MYO9A: variants seen among roughly 807,000 people sequenced by gnomAD.
The protein encoded by MYO9A is myosin IXA, also known as unconventional myosin-IXa.
A neutral mutation model predicts 293.3 loss-of-function variants in MYO9A; 103 were observed. That is an observed-to-expected ratio of 0.35 (90% CI 0.30 to 0.41). The LOEUF is 0.41. Among genes scored for constraint, MYO9A ranks in the 10% least tolerant of loss-of-function variants. The probability of loss-of-function intolerance (pLI) is 1.00; values close to 1 mark genes in which losing one functional copy is unlikely to be tolerated. For synonymous variants in MYO9A, 1,001 were observed against 1,035.7 expected, an observed-to-expected ratio of 0.97 and a Z score of 0.64; for missense variants, 2,685 against 3,033.0, an observed-to-expected ratio of 0.89 and a Z score of 2.69.
rs942678137 is a variant in MYO9A at position 72,117,668 on chromosome 15, G to A, written c.-72+12C>T. On this transcript the variant is annotated intron_variant, in intron 1 of 41. Coordinates refer to ENST00000356056, the MANE Select transcript of MYO9A (RefSeq NM_006901.4). ...GGGCTGCAGGGCCGCTGGGCGCTTG[G>A]GCGGGTCTTACCTCGGGCTCCGCCG... The A allele has an allele frequency of 3.5e-5, 14 of 396,440 alleles. No homozygotes were observed. The South Asian group carries it at 1.1e-3, about 32-fold the overall frequency. The allele number at this position is 396,440 out of a possible 1,614,324, so 24.6% of individuals were successfully genotyped here.
chr15:72,098,236 C>T (rs1489320357), intron 1 of MYO9A, among the ~76,000 whole-genome samples: 1 of 151,598 alleles, frequency 6.6e-6, no homozygotes, highest in Non-Finnish European at 1.5e-5. Context: ...GGTATGCTCT[C>T]TCTCTCAGGA....
chr15:72,110,435 C>CAAAAAAAAAAAA (rs397854173), intron 1 of MYO9A, among the ~76,000 whole-genome samples: 2 of 45,104 alleles, frequency 4.4e-5, no homozygotes, highest in Non-Finnish European at 9.5e-5. Flanking sequence ...GACTCCATCT[C>CAAAAAAAAAAAA]AAAAAAAAAA....
chr15:72,019,772 C>T (rs929368800), intron 5 of MYO9A, among the ~76,000 whole-genome samples: 2 of 151,984 alleles, frequency 1.3e-5, no homozygotes, highest in East Asian at 1.9e-4. Flanking sequence ...TTTTTTGAGA[C>T]GGAGTCTCGC....
chr15:71,874,601 T>C (rs1567219133), intron 32 of MYO9A, among the ~76,000 whole-genome samples: 3 of 152,226 alleles, frequency 2.0e-5, no homozygotes, highest in African/African-American at 7.2e-5. Flanking sequence ...AAAGTAACTA[T>C]GGCTATTACA....
chr15:71,840,917 C>T (rs574407232), intron 39 of MYO9A, among the ~76,000 whole-genome samples: 7 of 152,338 alleles, frequency 4.6e-5, no homozygotes, highest in East Asian at 1.9e-4. Context: ...AGGCGTGAGC[C>T]GCCGTGCCCA....
At chr15:71,851,681 T>A (rs976158283) in intron 36 of MYO9A, among the ~76,000 whole-genome samples, 59 of 152,166 alleles carry the variant, frequency 3.9e-4, no homozygotes, top group African/African-American at 1.1e-3. Context: ...CCTCAGGGCC[T>A]AAATACCTCT....
At chr15:72,101,310 G>A (rs1217291734) in intron 1 of MYO9A, among the ~76,000 whole-genome samples, 1 of 138,694 alleles carries the variant, frequency 7.2e-6, no homozygotes, top group Admixed American at 7.1e-5. Context: ...CCCCCCGCCA[G>A]GCCAGCCGCC....
chr15:72,107,617 G>C (rs1337952416), intron 1 of MYO9A, among the ~76,000 whole-genome samples: 1 of 151,702 alleles, frequency 6.6e-6, no homozygotes, highest in African/African-American at 2.4e-5. Flanking sequence ...ACTGTAAGAA[G>C]ACAAAGCTTC....
chr15:72,023,129 G>T (rs2077553595), intron 4 of MYO9A, among the ~76,000 whole-genome samples: 1 of 152,090 alleles, frequency 6.6e-6, no homozygotes, highest in African/African-American at 2.4e-5. Flanking sequence ...AAAGAATTCT[G>T]GAGTTGAAAA....
intron 32 of MYO9A, among the ~76,000 whole-genome samples, chr15:71,866,821 C>T (rs962367226): frequency 6.6e-6 from 1 of 151,986 alleles, no homozygotes; most frequent in Non-Finnish European, 1.5e-5. Flanking sequence ...AACTTTGGGA[C>T]GCCGAGGCGG....
intron 11 of MYO9A, among the ~76,000 whole-genome samples, chr15:71,990,482 G>A (rs1006025888): frequency 4.6e-5 from 7 of 152,092 alleles, no homozygotes; most frequent in African/African-American, 1.4e-4. Context: ...TAGGCTGGGC[G>A]CAGTGGCTCA....
intron 1 of MYO9A, among the ~76,000 whole-genome samples, chr15:72,075,936 G>A (rs1262725519): frequency 6.6e-6 from 1 of 152,164 alleles, no homozygotes; most frequent in South Asian, 2.1e-4. Flanking sequence ...GTTCAACACT[G>A]TACCAGTGGT....
chr15:71,960,818 C>T (rs1363431948), intron 13 of MYO9A, among the ~76,000 whole-genome samples: 2 of 152,046 alleles, frequency 1.3e-5, no homozygotes, highest in Non-Finnish European at 2.9e-5. Flanking sequence ...AGCTGAATAA[C>T]AAAAAGAAGC....
At chr15:71,994,937 G>A (rs921387657) in intron 9 of MYO9A, among the ~76,000 whole-genome samples, 2 of 152,140 alleles carry the variant, frequency 1.3e-5, no homozygotes, top group Admixed American at 1.3e-4. Context: ...TCTCCATGTT[G>A]GTCAGGCTGG....
chr15:72,100,869 T>TG (rs1258402939), intron 1 of MYO9A, among the ~76,000 whole-genome samples: 121 of 105,526 alleles, frequency 1.1e-3, no homozygotes, highest in Middle Eastern at 6.2e-3. Flanking sequence ...GGGAGGGAGG[T>TG]GGGGGGGGTC....
chr15:71,835,282 C>T (rs1311132918), intron 39 of MYO9A, among the ~76,000 whole-genome samples: 1 of 152,054 alleles, frequency 6.6e-6, no homozygotes, highest in East Asian at 1.9e-4. Flanking sequence ...CAACACTATA[C>T]TGGAGGTTCT....
At chr15:72,088,809 T>TA (rs2079820640) in intron 1 of MYO9A, among the ~76,000 whole-genome samples, 1 of 152,162 alleles carries the variant, frequency 6.6e-6, no homozygotes, top group African/African-American at 2.4e-5. Flanking sequence ...CTCCAGAACT[T>TA]AAAAAAACTG....
chr15:71,973,273 C>T (rs1421279919), intron 12 of MYO9A, among the ~76,000 whole-genome samples: 3 of 152,162 alleles, frequency 2.0e-5, no homozygotes, highest in Non-Finnish European at 4.4e-5. Flanking sequence ...ATTCATGCCT[C>T]CAGAACTTCT....
At chr15:71,991,274 T>C in intron 10 of MYO9A, 37 bp from the exon 11 acceptor site, 2 of 1,470,316 alleles carry the variant, frequency 1.4e-6, no homozygotes, top group Non-Finnish European at 1.9e-6. Flanking sequence ...AAAAGTAATG[T>C]TTAAATTTAT....
Sources: allele counts gnomAD v4.1 joint callset (sites outside exome capture counted in the v4.1 genomes callset), GRCh38; gene constraint gnomAD v4.1.1; transcripts MANE v1.5; gene names NCBI Gene and HGNC (gene_info 2026-07-23, HGNC 2026-07-21).